Variants in MTAP observed in about 807,000 individuals in gnomAD.
MTAP encodes the protein S-methyl-5'-thioadenosine phosphorylase.
In MTAP, 33 loss-of-function variants were observed where a neutral mutation model predicts 33.6. That is an observed-to-expected ratio of 0.98 (90% confidence interval 0.74 to 1.31). The LOEUF is 1.31. Ranked by LOEUF, MTAP falls within the 40% of genes most tolerant of loss-of-function variation. The probability of loss-of-function intolerance (pLI) is 0.00; values close to 1 mark genes in which losing one functional copy is unlikely to be tolerated. For missense variants in MTAP, 367 were observed against 360.0 expected, an observed-to-expected ratio of 1.02 and a Z score of -0.16; for synonymous variants, 148 against 125.7, an observed-to-expected ratio of 1.18 and a Z score of -1.19.
At chr9:21,817,215 T>A (rs1268886114) in intron 3 of MTAP, among the ~76,000 whole-genome samples, 1 of 152,212 alleles carries the variant, frequency 6.6e-6, no homozygotes, top group Non-Finnish European at 1.5e-5. Flanking sequence ...TGCTCCATAT[T>A]ACAGAGGAGG....
chr9:21,837,933 T>C lies in MTAP; in HGVS notation c.373T>C (p.Tyr125His). The C allele has an allele frequency of 4.3e-6, 7 of 1,614,190 alleles. No homozygotes were observed. Among genetic ancestry groups the C allele is most frequent in the Non-Finnish European group, 5.9e-6 (7 of 1,180,000 alleles). ...GACCACTATGAGACCTCAGTCCTTC[T>C]ATGATGGAAGTCATTCTTGTGCCAG... ...DRTTMRPQSF[Y>H]DGSHSCARGV... Residue 125 changes from tyrosine (Y) to histidine (H), a missense_variant, in exon 5 of 8, where the codon TAT becomes CAT. Tyr to His is a moderately conservative substitution (Grantham distance 83). Transcript: ENST00000644715.
In MTAP at chr9:21,866,491, T is replaced by C. The variant is rs1460507197; in HGVS notation, c.*4477T>C. On this transcript the variant is annotated 3_prime_UTR_variant, in exon 8 of 8. Coordinates refer to ENST00000644715, the MANE Select transcript of MTAP (RefSeq NM_002451.4). Reference sequence around the variant, plus strand: ...TGCCCTTGTCAAAATCATTTAATTTTGACTACTCACTTAATTACCTTGCCT... The same window carrying C: ...TGCCCTTGTCAAAATCATTTAATTTCGACTACTCACTTAATTACCTTGCCT... 2 of 152,172 alleles carry C rather than the reference T, an allele frequency of 1.3e-5. No individual in the cohort carries two copies. Among genetic ancestry groups the C allele is most frequent in the African/African-American group, 2.4e-5 (1 of 41,440 alleles). 9.4% of individuals were successfully genotyped at this position (152,172 alleles called of 1,614,324 possible).
intron 1 of MTAP, chr9:21,930,301 CTTCTT>C (rs1235480217): frequency 1.3e-5 from 3 of 225,790 alleles, no homozygotes; most frequent in Non-Finnish European, 1.8e-5. Context: ...GTCCTCATCT[CTTCTT>C]TTGTTTTGAC....
At chr9:21,818,829 G>T (rs548805535) in intron 4 of MTAP, among the ~76,000 whole-genome samples, 2 of 152,038 alleles carry the variant, frequency 1.3e-5, no homozygotes, top group Admixed American at 1.3e-4. Context: ...TACATAATAC[G>T]TTGTCATTAG....
chr9:21,838,360 G>A (rs1389882425), intron 5 of MTAP, among the ~76,000 whole-genome samples: 3 of 152,196 alleles, frequency 2.0e-5, no homozygotes, highest in Non-Finnish European at 4.4e-5. Flanking sequence ...CAAAGTAGCT[G>A]TGTCCAAGAG....
chr9:21,916,114 AGGAAGGAG>A (rs1418509558), intron 1 of MTAP, among the ~76,000 whole-genome samples: 44 of 149,494 alleles, frequency 2.9e-4, no homozygotes, highest in African/African-American at 9.4e-4. Flanking sequence ...GAAGGAAGGA[AGGAAGGAG>A]GGAGGGAAGG....
chr9:21,854,832 G>A lies in MTAP; in HGVS notation c.652G>A (p.Ala218Thr). The A allele has an allele frequency of 6.2e-7, 1 of 1,614,162 alleles. No individual in the cohort carries two copies. Among genetic ancestry groups the A allele is most frequent in the Non-Finnish European group, 8.5e-7 (1 of 1,180,006 alleles). ...AATTTGTTACGCAAGTATCGCCATGGCGACAGATTATGACTGCTGGAAGGA... is the reference window on the plus strand; with the variant it reads ...AATTTGTTACGCAAGTATCGCCATGACGACAGATTATGACTGCTGGAAGGA... ...AGICYASIAM[A>T]TDYDCWKEHE... Residue 218 changes from alanine (A) to threonine (T), a missense_variant, in exon 6 of 8, where the codon GCG (alanine) becomes ACG (threonine). Transcript: ENST00000644715.
intron 1 of MTAP, among the ~76,000 whole-genome samples, chr9:21,882,760 ACT>A (rs1447599883): frequency 9.2e-5 from 14 of 152,038 alleles, no homozygotes; most frequent in African/African-American, 3.4e-4. Flanking sequence ...TTTTAAAGTA[ACT>A]CTGGGTTTTT....
chr9:21,832,164 A>C (rs1824983564), intron 4 of MTAP, among the ~76,000 whole-genome samples: 1 of 152,150 alleles, frequency 6.6e-6, no homozygotes, highest in Admixed American at 6.5e-5. Context: ...ACGCATTCTT[A>C]CTCATCAGGA....
intron 1 of MTAP, among the ~76,000 whole-genome samples, chr9:21,906,816 T>G (rs1275034613): frequency 2.6e-5 from 4 of 152,184 alleles, no homozygotes; most frequent in Admixed American, 6.5e-5. Context: ...AGATATAAAT[T>G]AATGGAAACA....
intron 4 of MTAP, among the ~76,000 whole-genome samples, chr9:21,820,706 C>T (rs1824612145): frequency 6.6e-6 from 1 of 152,176 alleles, no homozygotes; most frequent in South Asian, 2.1e-4. Flanking sequence ...GGCACTGAAT[C>T]TATAAATTAC....
At chr9:21,861,932 T>G (rs201476509) in intron 7 of MTAP, 44 bp from the exon 8 acceptor site, 484 of 1,108,350 alleles carry the variant, frequency 4.4e-4, no homozygotes, top group Non-Finnish European at 6.3e-4. Flanking sequence ...ATCTCAGTAA[T>G]TACGCCAACA....
At position 21,854,804 on chromosome 9, in the gene MTAP, T is replaced by C. The variant is rs753566667; in HGVS notation, c.624T>C (p.Ala208=). ...TVPEVVLAKE[A]GICYASIAMA... ...CAGAGGTGGTTCTTGCTAAGGAGGC[T>C]GGAATTTGTTACGCAAGTATCGCCA... Residue 208 remains alanine (A), a synonymous_variant, in exon 6 of 8, where the codon GCT becomes GCC. Coordinates refer to ENST00000644715, the MANE Select transcript of MTAP (RefSeq NM_002451.4). 4.3e-6 allele frequency: 7 copies of C among 1,614,178 alleles called. No individual in the cohort carries two copies. Among genetic ancestry groups the C allele is most frequent in the Non-Finnish European group, 5.9e-6 (7 of 1,179,996 alleles).
chr9:21,882,722 A>T (rs1818034548), intron 1 of MTAP, among the ~76,000 whole-genome samples: 1 of 152,070 alleles, frequency 6.6e-6, no homozygotes, highest in Non-Finnish European at 1.5e-5. Context: ...AGAACTGATG[A>T]TGTTTTAGAA....
Position 21,919,447 on chromosome 9 carries a change from A to G in MTAP, c.148-11561A>G, listed in dbSNP as rs537650915. Among the ~76,000 whole-genome samples, 685 of 152,370 alleles carry G rather than the reference A, an allele frequency of 4.5e-3. 2 individuals are homozygous for G. Among genetic ancestry groups the G allele is most frequent in the African/African-American group, 0.015 (612 of 41,590 alleles). On this transcript the variant is annotated intron_variant, in intron 1 of 1. Coordinates refer to the MTAP transcript ENST00000577563. The stretch of plus-strand genomic sequence containing the variant: ...CTTTTTCTATAAAAGGAGCAAAAAA[A>G]CAGATGGTAATTTGCAGGTGGAAGT...
chr9:21,899,163 C>A (rs1373863935), intron 1 of MTAP, among the ~76,000 whole-genome samples: 1 of 137,224 alleles, frequency 7.3e-6, no homozygotes, highest in Non-Finnish European at 1.5e-5. Flanking sequence ...TGTTCTCACT[C>A]ATAGGTGAGA....
At chr9:21,938,211 T>G (rs1185752950), downstream of MTAP, among the ~76,000 whole-genome samples, 2 of 150,184 alleles carry the variant, frequency 1.3e-5, no homozygotes, top group East Asian at 2.0e-4. Flanking sequence ...GAGGCAGAGG[T>G]TGCAGTGAGC....
At chr9:21,815,756 T>C in intron 2 of MTAP, 1 of 493,466 alleles carries the variant, frequency 2.0e-6, no homozygotes, top group African/African-American at 2.0e-5. Flanking sequence ...TGTAAATCAC[T>C]TCTCATTCTG....
intron 1 of MTAP, among the ~76,000 whole-genome samples, chr9:21,806,929 C>T (rs1447271987): frequency 1.3e-5 from 2 of 152,122 alleles, no homozygotes; most frequent in Admixed American, 1.3e-4. Context: ...TTTGGGAGGC[C>T]CAGCTGGGCA....
Sources: allele counts gnomAD v4.1 joint callset (sites outside exome capture counted in the v4.1 genomes callset), GRCh38; gene constraint gnomAD v4.1.1; transcripts MANE v1.5; gene names NCBI Gene and HGNC (gene_info 2026-07-23, HGNC 2026-07-21).